PCDH15: variants seen among roughly 807,000 people sequenced by gnomAD.
The protein encoded by PCDH15 is protocadherin-15.
PCDH15 carries 129 observed loss-of-function variants against 178.5 expected under a neutral mutation model. That is an observed-to-expected ratio of 0.72 (90% CI 0.63 to 0.84). The LOEUF (loss-of-function observed/expected upper bound fraction) is 0.84, where lower values mean the gene tolerates loss of function less well. Ranked by LOEUF, PCDH15 falls within the 40% of genes least tolerant of loss-of-function variation. The probability of loss-of-function intolerance (pLI) is 0.00; values close to 1 mark genes in which losing one functional copy is unlikely to be tolerated. For synonymous variants in PCDH15, 800 were observed against 732.0 expected (o/e 1.09, Z -1.50); for missense variants, 2,230 against 2,099.9 (o/e 1.06, Z -1.21).
intron 3 of PCDH15, among the ~76,000 whole-genome samples, chr10:54,892,960 T>C (rs1954487614): frequency 6.6e-6 from 1 of 152,010 alleles, no homozygotes; most frequent in Non-Finnish European, 1.5e-5. Context: ...GCAAACTTAA[T>C]GAGAAATGTA....
chr10:54,944,583 C>T (rs1454482), intron 2 of PCDH15, among the ~76,000 whole-genome samples: 23 of 151,788 alleles, frequency 1.5e-4, no homozygotes, highest in East Asian at 5.8e-4. Flanking sequence ...ATTATACAGA[C>T]GCTGTTGACT....
At chr10:54,439,871 A>G (rs2075685749) in intron 3 of PCDH15, among the ~76,000 whole-genome samples, 1 of 152,058 alleles carries the variant, frequency 6.6e-6, no homozygotes, top group African/African-American at 2.4e-5. Flanking sequence ...TTCTGTCTGT[A>G]GTGACTATTT....
At chr10:55,329,903 A>G (rs927679433) in intron 2 of PCDH15, among the ~76,000 whole-genome samples, 1 of 151,670 alleles carries the variant, frequency 6.6e-6, no homozygotes, top group African/African-American at 2.4e-5. Context: ...TAACTGTTTA[A>G]TTAGGGTAAT....
At chr10:54,421,485 TTTTA>T (rs1263141504) in intron 3 of PCDH15, among the ~76,000 whole-genome samples, 2 of 62,242 alleles carry the variant, frequency 3.2e-5, no homozygotes, top group African/African-American at 8.1e-5. Context: ...AGCATTTGAT[TTTTA>T]TTTATGTATA....
intron 1 of PCDH15, among the ~76,000 whole-genome samples, chr10:54,789,965 A>T (rs1251626282): frequency 6.6e-6 from 1 of 151,970 alleles, no homozygotes; most frequent in Non-Finnish European, 1.5e-5. Flanking sequence ...AATTGACTGG[A>T]GAAAATACGA....
intron 2 of PCDH15, among the ~76,000 whole-genome samples, chr10:54,583,406 A>C (rs975977975): frequency 4.6e-5 from 7 of 151,958 alleles, no homozygotes; most frequent in African/African-American, 1.4e-4. Context: ...GGTTTATGTT[A>C]CCTTTTCATG....
chr10:54,486,422 A>G (rs1480723901), intron 3 of PCDH15: 2 of 152,030 alleles, frequency 1.3e-5, no homozygotes, highest in African/African-American at 4.8e-5. Context: ...AATATTTCAG[A>G]TAATTTGCCT....
chr10:54,288,306 T>C (rs1161548763), intron 8 of PCDH15, among the ~76,000 whole-genome samples: 5 of 151,704 alleles, frequency 3.3e-5, no homozygotes, highest in Non-Finnish European at 5.9e-5. Context: ...GGCATCAGAG[T>C]GAGACTCCAT....
At chr10:54,845,577 C>T (rs191890163) in intron 3 of PCDH15, among the ~76,000 whole-genome samples, 1 of 151,974 alleles carries the variant, frequency 6.6e-6, no homozygotes, top group Admixed American at 6.6e-5. Flanking sequence ...CTTATACAGG[C>T]TTTTATTATC....
At chr10:55,606,081 A>T in intron 2 of PCDH15, among the ~76,000 whole-genome samples, 1 of 90,920 alleles carries the variant, frequency 1.1e-5, no homozygotes, top group Non-Finnish European at 2.1e-5. Context: ...CAAAAATCAC[A>T]AGCATTCTTA....
rs560105676 is a variant in PCDH15, at chr10:54,840,350, T to G, written c.-29+57100A>C. Among the ~76,000 whole-genome samples, 7 of 152,096 alleles carry G rather than the reference T, an allele frequency of 4.6e-5. No individual in the cohort carries two copies. In the South Asian group the frequency reaches 1.5e-3, roughly 32 times the overall value. ...TAAAAGTGTAGAGTTTTTATAGCAA[T>G]TTAGTTAAGTTGCTATCAGCTTAGA... is the stretch of plus-strand genomic sequence containing the variant. On this transcript the variant is annotated intron_variant, in intron 3 of 5. Coordinates refer to the PCDH15 transcript ENST00000458638.
rs558124475 is a variant in PCDH15, at chr10:54,452,739, G to C, written c.158-73797C>G. ...CTGTTTATAGATGCACATAAGATATGAGAGGGTCTGAATTCTTCATGAGTC... is the reference window on the plus strand; with the variant it reads ...CTGTTTATAGATGCACATAAGATATCAGAGGGTCTGAATTCTTCATGAGTC... On this transcript the variant is annotated intron_variant, in intron 3 of 37. Coordinates refer to ENST00000644397, the MANE Select transcript of PCDH15 (RefSeq NM_001384140.1). 5.3e-5 allele frequency among the ~76,000 whole-genome samples: 8 copies of C among 152,202 alleles called. No homozygotes were observed. In the South Asian group the frequency reaches 8.3e-4, roughly 16 times the overall value.
At chr10:54,752,446 C>T (rs1408562211) in intron 1 of PCDH15, among the ~76,000 whole-genome samples, 1 of 143,110 alleles carries the variant, frequency 7.0e-6, no homozygotes, top group Non-Finnish European at 1.5e-5. Context: ...CACTGCACTC[C>T]AGCCTGGGTG....
At chr10:54,645,030 C>T (rs2094093973) in intron 2 of PCDH15, among the ~76,000 whole-genome samples, 1 of 152,176 alleles carries the variant, frequency 6.6e-6, no homozygotes, top group Non-Finnish European at 1.5e-5. Context: ...GTGAGAAATA[C>T]ATTATGTTAT....
At position 54,419,566 on chromosome 10, in the gene PCDH15, C is replaced by T. The variant is rs73238747; in HGVS notation, c.158-40624G>A. ...AAGAACTTAATGTGGATTTCTGTTC[C>T]ACCTCATGAAAGTCTTTTCCAAAAA... On this transcript the variant is annotated intron_variant, in intron 3 of 37. Coordinates refer to ENST00000644397, the MANE Select transcript of PCDH15 (RefSeq NM_001384140.1). 8.0e-3 allele frequency among the ~76,000 whole-genome samples: 1,213 copies of T among 152,106 alleles called. 17 individuals are homozygous for T. The highest frequency in any genetic ancestry group is 0.028 in the African/African-American group (1,147 of 41,528).
At chr10:54,490,678 T>C (rs975801732) in intron 3 of PCDH15, among the ~76,000 whole-genome samples, 33 of 152,216 alleles carry the variant, frequency 2.2e-4, no homozygotes, top group African/African-American at 7.7e-4. Context: ...AATCAGAATG[T>C]CTGAAGTAGA....
In PCDH15 at chr10:55,221,763, T is replaced by C. The variant is rs147787902; in HGVS notation, c.-155-55112A>G. On this transcript the variant is annotated intron_variant, in intron 1 of 5. Coordinates refer to the PCDH15 transcript ENST00000458638. ...GTATATGTCAATAACCTTCACACCA[T>C]AGATATGGTAAAATGTAGAAAAACA... Among the ~76,000 whole-genome samples the C allele has an allele frequency of 4.9e-4, 75 of 152,224 alleles. 1 individual carries two copies. The highest frequency in any genetic ancestry group is 1.7e-3 in the African/African-American group (70 of 41,502).
chr10:55,533,471 T>C (rs1275878273), intron 2 of PCDH15, among the ~76,000 whole-genome samples: 1 of 150,238 alleles, frequency 6.7e-6, no homozygotes. Context: ...CACAGTCTCA[T>C]TTACAATAGC....
chr10:55,362,954 G>A (rs1168819252), intron 2 of PCDH15, among the ~76,000 whole-genome samples: 2 of 152,118 alleles, frequency 1.3e-5, no homozygotes, highest in Non-Finnish European at 2.9e-5. Context: ...TACCTGATGA[G>A]CTAATAAAAT....
Sources: allele counts gnomAD v4.1 joint callset (sites outside exome capture counted in the v4.1 genomes callset), GRCh38; gene constraint gnomAD v4.1.1; transcripts MANE v1.5; gene names NCBI Gene and HGNC (gene_info 2026-07-23, HGNC 2026-07-21).